Variants in UGGT1 observed in about 807,000 individuals in gnomAD.
The protein encoded by UGGT1 is UDP-glucose glycoprotein glucosyltransferase 1.
A neutral mutation model predicts 203.9 loss-of-function variants in UGGT1; 107 were observed. The observed-to-expected ratio is 0.52, with a 90% CI of 0.45 to 0.62. The LOEUF (loss-of-function observed/expected upper bound fraction) is 0.62. UGGT1 is among the 20% of genes least tolerant of loss of function. The pLI is 0.00. For missense variants in UGGT1, 1,673 were observed against 1,867.2 expected, an observed-to-expected ratio of 0.90 and a Z score of 1.92; for synonymous variants, 628 against 653.5, an observed-to-expected ratio of 0.96 and a Z score of 0.59.
intron 16 of UGGT1, 25 bp downstream of exon 16, chr2:128,138,877 A>G (rs1689271918): frequency 6.2e-7 from 1 of 1,612,198 alleles, no homozygotes; most frequent in Non-Finnish European, 8.5e-7. Context: ...AGAATGGCAA[A>G]TAATTTTTTC....
intron 31 of UGGT1, among the ~76,000 whole-genome samples, chr2:128,176,007 T>A (rs763790559): frequency 1.3e-5 from 2 of 152,240 alleles, no homozygotes; most frequent in Non-Finnish European, 2.9e-5. Context: ...TTGTTACAGT[T>A]TTTCTGGTAG....
chr2:128,183,836 T>C, intron 38 of UGGT1, 47 bp downstream of exon 38: 1 of 1,451,592 alleles, frequency 6.9e-7, no homozygotes, highest in South Asian at 1.2e-5. Context: ...GGGTATACAG[T>C]GTTGCATCAG....
chr2:128,120,034 C>T (rs1688302757), intron 8 of UGGT1, among the ~76,000 whole-genome samples: 1 of 151,950 alleles, frequency 6.6e-6, no homozygotes, highest in Non-Finnish European at 1.5e-5. Context: ...GCCTTGGCCT[C>T]CTCAGTGGCT....
chr2:128,174,990 T>TATGTGATTTAA, intron 31 of UGGT1, 132 bp downstream of exon 31: 1 of 684,484 alleles, frequency 1.5e-6, no homozygotes, highest in Non-Finnish European at 2.4e-6. Flanking sequence ...GAAACAGTGG[T>TATGTGATTTAA]TTTTCCAGGA....
Position 128,134,954 on chromosome 2 carries a change from C to A in UGGT1, c.1576C>A (p.Pro526Thr), listed in dbSNP as rs1689066136. ...TGAGATGTTCCTTAGTAATCATATA[C>A]CACTAAGGTAACACTGGTATTGATT... ...TAEMFLSNHI[P>T]LRIGFIFVVN... Residue 526 changes from proline to threonine, a missense_variant, in exon 15 of 41, where the codon CCA becomes ACA. Pro to Thr is a conservative substitution (Grantham distance 38). This residue lies in a region of UGGT1 where 1,073 missense variants were observed against 1,078.7 expected (regional missense o/e 0.99). Transcript: ENST00000259253. The A allele has an allele frequency of 6.2e-7, 1 of 1,610,764 alleles. No individual in the cohort carries two copies. Among genetic ancestry groups the A allele is most frequent in the Admixed American group, 1.7e-5 (1 of 59,996 alleles).
chr2:128,182,546 A>AC (rs992674620), intron 37 of UGGT1, among the ~76,000 whole-genome samples: 5 of 152,098 alleles, frequency 3.3e-5, no homozygotes, highest in African/African-American at 4.8e-5. Context: ...TAAAAATACA[A>AC]AAATTAGCTG....
chr2:128,176,890 A>G lies in UGGT1; in HGVS notation c.3616A>G (p.Lys1206Glu), dbSNP rs1192292560. 1.2e-6 allele frequency: 2 copies of G among 1,614,040 alleles called. No homozygotes were observed. The highest frequency in any genetic ancestry group is 1.7e-6 in the Non-Finnish European group (2 of 1,179,898). The change falls in exon 32 of 41, where the codon AAA becomes GAA. Residue 1206 changes from lysine (K) to glutamate (E), a missense_variant. By Grantham distance (56) the Lys-to-Glu change is moderately conservative. Transcript: ENST00000259253. ...VLNNFKSKIIKVKVQKKADMV... is the reference protein window; with the variant it reads ...VLNNFKSKIIEVKVQKKADMV... Reference sequence around the variant, plus strand: ...CAACAACTTCAAAAGCAAAATTATTAAAGTGAAGGTGAGTTTGGTAAAAGT... The same window carrying G: ...CAACAACTTCAAAAGCAAAATTATTGAAGTGAAGGTGAGTTTGGTAAAAGT...
In UGGT1 at chr2:128,138,973, T is replaced by G. The variant is rs549506899; in HGVS notation, c.1719+121T>G. 24 of 1,278,200 alleles carry G rather than the reference T, an allele frequency of 1.9e-5. No individual in the cohort carries two copies. In the South Asian group the frequency reaches 3.2e-4, roughly 17 times the overall value. 79.2% of individuals were successfully genotyped at this position (1,278,200 alleles called of 1,614,324 possible). A position where few individuals can be genotyped will look rare whatever the true frequency, so the allele number is the denominator to read the frequency against. On this transcript the variant is annotated intron_variant, in intron 16 of 40. Transcript: ENST00000259253. ...TAGAGCTCAGGGGTGGGTCCTGAAT[T>G]TAAAAGTCATGTCTGCTGCAGTGTA...
At chr2:128,170,574 A>G (rs1004932583) in intron 27 of UGGT1, among the ~76,000 whole-genome samples, 184 bp downstream of exon 27, 15 of 152,372 alleles carry the variant, frequency 9.8e-5, no homozygotes, top group African/African-American at 3.6e-4. Context: ...TCACAGCCCT[A>G]GAAAGTTGGT....
At position 128,194,968 on chromosome 2, in the gene UGGT1, A is replaced by G. The variant is rs1313348386; in HGVS notation, c.*5226A>G. 2 of 152,234 alleles carry G rather than the reference A, an allele frequency of 1.3e-5. No homozygotes were observed. Among genetic ancestry groups the G allele is most frequent in the Non-Finnish European group, 1.5e-5 (1 of 68,040 alleles). 9.4% of individuals were successfully genotyped at this position (152,234 alleles called of 1,614,324 possible). A position where few individuals can be genotyped will look rare whatever the true frequency, so the allele number is the denominator to read the frequency against. ...GAGGGTCCCATTCCCTCAGGCTGTC[A>G]TTGATCAGTGACAATTTATAAAAAC... On this transcript the variant is annotated 3_prime_UTR_variant, in exon 41 of 41. Coordinates refer to ENST00000259253, the MANE Select transcript of UGGT1 (RefSeq NM_020120.4).
chr2:128,126,055 C>T (rs1049124126), intron 11 of UGGT1, among the ~76,000 whole-genome samples: 1 of 151,466 alleles, frequency 6.6e-6, no homozygotes, highest in Non-Finnish European at 1.5e-5. Context: ...GATTCTCCTG[C>T]CTCAGCCTCC....
chr2:128,103,540 G>T (rs1016059727), intron 2 of UGGT1, among the ~76,000 whole-genome samples: 3 of 152,010 alleles, frequency 2.0e-5, no homozygotes, highest in Non-Finnish European at 4.4e-5. Context: ...TTTGTTCTTT[G>T]TAAGGCCTTT....
intron 4 of UGGT1, among the ~76,000 whole-genome samples, chr2:128,109,117 C>G (rs1687734808): frequency 6.6e-6 from 1 of 152,140 alleles, no homozygotes; most frequent in Non-Finnish European, 1.5e-5. Context: ...GTCTCGATCT[C>G]CTGACCACAG....
intron 6 of UGGT1, 100 bp from the exon 7 acceptor site, chr2:128,115,024 G>T: frequency 1.0e-6 from 1 of 979,000 alleles, no homozygotes; most frequent in South Asian, 1.6e-5. Flanking sequence ...CATAATCCGA[G>T]GTAATGGCTA....
In UGGT1 at chr2:128,113,271, T is replaced by C; in HGVS notation, c.696+13T>C. ...ACATTATATATTTGTAAGTATTGAC[T>C]TATTTTACACCTGTTTTGAATGTAA... On this transcript the variant is annotated intron_variant, in intron 6 of 40. Transcript: ENST00000259253. The C allele has an allele frequency of 6.4e-7, 1 of 1,574,252 alleles. No individual in the cohort carries two copies. Among genetic ancestry groups the C allele is most frequent in the Non-Finnish European group, 8.7e-7 (1 of 1,155,190 alleles).
chr2:128,091,491 C>A, intron 1 of UGGT1, 76 bp downstream of exon 1: 1 of 1,520,190 alleles, frequency 6.6e-7, no homozygotes, highest in South Asian at 1.2e-5. Flanking sequence ...GTGCCCCTGT[C>A]ACATTGAGCT....
chr2:128,183,404 TG>T (rs1371770790), intron 37 of UGGT1, among the ~76,000 whole-genome samples: 1 of 152,380 alleles, frequency 6.6e-6, no homozygotes, highest in East Asian at 1.9e-4. Flanking sequence ...CTTTTGTTAC[TG>T]CCGCATATGC....
intron 19 of UGGT1, among the ~76,000 whole-genome samples, chr2:128,153,972 CTATT>C (rs1053069730): frequency 6.6e-6 from 1 of 152,012 alleles, no homozygotes; most frequent in African/African-American, 2.4e-5. Flanking sequence ...ACATATCAAT[CTATT>C]TATGGTTGTT....
intron 13 of UGGT1, among the ~76,000 whole-genome samples, chr2:128,129,579 A>G (rs1688778575): frequency 6.6e-6 from 1 of 151,830 alleles, no homozygotes; most frequent in Non-Finnish European, 1.5e-5. Context: ...TTGTATTTTT[A>G]GTATAGACGG....
Sources: allele counts gnomAD v4.1 joint callset (sites outside exome capture counted in the v4.1 genomes callset), GRCh38; gene constraint gnomAD v4.1.1; regional missense constraint gnomAD v4.1.1; transcripts MANE v1.5; gene names NCBI Gene and HGNC (gene_info 2026-07-23, HGNC 2026-07-21).